RSU1: variants seen among roughly 807,000 people sequenced by gnomAD.
RSU1 encodes the protein Ras suppressor protein 1, also known as rsu-1.
Under a neutral mutation model 31.1 loss-of-function variants are expected in RSU1, and 26 were observed. That is an observed-to-expected ratio of 0.84 (90% confidence interval 0.61 to 1.16). RSU1 has a LOEUF of 1.16. RSU1 is among the 50% of genes most tolerant of loss of function. The pLI is 0.00. For missense variants in RSU1, 320 were observed against 339.1 expected (o/e 0.94, Z 0.44); for synonymous variants, 164 against 136.3 (o/e 1.20, Z -1.41).
At chr10:16,702,043 T>C (rs1218506177) in intron 7 of RSU1, among the ~76,000 whole-genome samples, 1 of 152,248 alleles carries the variant, frequency 6.6e-6, no homozygotes, top group Non-Finnish European at 1.5e-5. Flanking sequence ...TTTTTATTGC[T>C]CAGGTAATGT....
intron 7 of RSU1, among the ~76,000 whole-genome samples, chr10:16,702,113 G>A (rs1466917456): frequency 1.3e-5 from 2 of 152,208 alleles, no homozygotes; most frequent in African/African-American, 4.8e-5. Context: ...ACTATTCACT[G>A]ACTTGGGCAA....
chr10:16,805,757 TA>T (rs1838254250), intron 2 of RSU1, among the ~76,000 whole-genome samples: 1 of 151,954 alleles, frequency 6.6e-6, no homozygotes, highest in Non-Finnish European at 1.5e-5. Context: ...ATACTGGCAT[TA>T]GTAATATTAG....
At chr10:16,604,175 G>A (rs796169217) in intron 8 of RSU1, among the ~76,000 whole-genome samples, 4 of 152,140 alleles carry the variant, frequency 2.6e-5, no homozygotes, top group South Asian at 4.1e-4. Context: ...AAACTTGAAC[G>A]TATGGGGAAA....
intron 8 of RSU1, among the ~76,000 whole-genome samples, chr10:16,657,114 G>A (rs146467276): frequency 1.3e-5 from 2 of 152,328 alleles, no homozygotes; most frequent in African/African-American, 4.8e-5. Flanking sequence ...ATGCTTAGCT[G>A]ATGGAGAACA....
At chr10:16,786,791 A>G (rs1331227668) in intron 2 of RSU1, among the ~76,000 whole-genome samples, 2 of 152,158 alleles carry the variant, frequency 1.3e-5, no homozygotes, top group Non-Finnish European at 2.9e-5. Flanking sequence ...TTACTTATTT[A>G]ATAAATGCCC....
At chr10:16,666,517 C>G (rs1834991960) in intron 8 of RSU1, among the ~76,000 whole-genome samples, 1 of 152,164 alleles carries the variant, frequency 6.6e-6, no homozygotes, top group Non-Finnish European at 1.5e-5. Flanking sequence ...GTGGCTCACA[C>G]CTGTAATCCC....
intron 7 of RSU1, among the ~76,000 whole-genome samples, chr10:16,745,659 C>A (rs1443710132): frequency 6.6e-6 from 1 of 152,126 alleles, no homozygotes; most frequent in East Asian, 1.9e-4. Context: ...AGTCATCTCC[C>A]ACCAGGTCCC....
At chr10:16,779,484 T>A (rs1251494738) in intron 3 of RSU1, among the ~76,000 whole-genome samples, 2 of 152,180 alleles carry the variant, frequency 1.3e-5, no homozygotes, top group Non-Finnish European at 2.9e-5. Flanking sequence ...GAGTCAACAG[T>A]GTCCCCAAAT....
intron 2 of RSU1, among the ~76,000 whole-genome samples, chr10:16,807,452 T>A (rs546970610): frequency 6.6e-6 from 1 of 152,324 alleles, no homozygotes; most frequent in Non-Finnish European, 1.5e-5. Context: ...TACTTTGTAG[T>A]GTTTTAAGCT....
intron 7 of RSU1, among the ~76,000 whole-genome samples, chr10:16,699,528 C>T (rs1236698351): frequency 1.3e-5 from 2 of 152,222 alleles, no homozygotes; most frequent in Non-Finnish European, 2.9e-5. Context: ...CATCTCACCC[C>T]GCTGTCAGTC....
At chr10:16,719,395 G>C (rs1248423969) in intron 7 of RSU1, among the ~76,000 whole-genome samples, 1 of 152,090 alleles carries the variant, frequency 6.6e-6, no homozygotes, top group Admixed American at 6.6e-5. Flanking sequence ...CTTTCCATCA[G>C]ACAATGGTGG....
At chr10:16,679,869 GTTTTTTTTTTTTTTTT>G (rs71374699) in intron 8 of RSU1, among the ~76,000 whole-genome samples, 2 of 124,650 alleles carry the variant, frequency 1.6e-5, no homozygotes, top group Admixed American at 1.6e-4. Flanking sequence ...AAAGACTCAA[GTTTTTTTTTTTTTTTT>G]TTTTTTTTTT....
intron 7 of RSU1, among the ~76,000 whole-genome samples, chr10:16,711,136 C>CCGT (rs1419803081): frequency 1.3e-4 from 20 of 152,084 alleles, no homozygotes; most frequent in African/African-American, 4.8e-4. Flanking sequence ...AATTGAATCT[C>CCGT]AGTAGTTTGT....
At chr10:16,681,955 G>A (rs980227851) in intron 8 of RSU1, among the ~76,000 whole-genome samples, 2 of 151,960 alleles carry the variant, frequency 1.3e-5, no homozygotes, top group African/African-American at 2.4e-5. Flanking sequence ...GAGTCACTGT[G>A]TCTTTACAGC....
In RSU1 at chr10:16,736,689, T is replaced by C. The variant is rs189884132; in HGVS notation, c.598+15850A>G. Among the ~76,000 whole-genome samples, 18 of 151,656 alleles carry C rather than the reference T, an allele frequency of 1.2e-4. No homozygotes were observed. The East Asian group carries it at 2.7e-3, about 23-fold the overall frequency. ...GACATTCAGAGTAAGAGGAAAAAAG[T>C]GGCTTACAAACAAAAGAAAAATCCA... On this transcript the variant is annotated intron_variant, in intron 7 of 8. Coordinates refer to ENST00000345264, the MANE Select transcript of RSU1 (RefSeq NM_012425.4).
intron 8 of RSU1, among the ~76,000 whole-genome samples, chr10:16,694,766 G>A (rs11254151): frequency 0.36 from 55,115 of 151,358 alleles, 10,288 homozygotes; most frequent in East Asian, 0.45. Flanking sequence ...TTGTAGAGAC[G>A]GGGTCTTGCT....
chr10:16,666,387 G>C (rs1295708600), intron 8 of RSU1, among the ~76,000 whole-genome samples: 1 of 152,162 alleles, frequency 6.6e-6, no homozygotes, highest in Non-Finnish European at 1.5e-5. Context: ...TGCAGTAACT[G>C]AACAAGGACA....
At chr10:16,705,540 A>C (rs1242413558) in intron 7 of RSU1, among the ~76,000 whole-genome samples, 1 of 151,942 alleles carries the variant, frequency 6.6e-6, no homozygotes, top group Non-Finnish European at 1.5e-5. Context: ...CACAGGCTGG[A>C]GTGCAGAGGC....
chr10:16,810,517 G>A (rs901578828), intron 2 of RSU1, among the ~76,000 whole-genome samples: 4 of 151,988 alleles, frequency 2.6e-5, no homozygotes, highest in African/African-American at 4.8e-5. Context: ...GTGTGGCAAC[G>A]GCTGTTCCTC....
Sources: gnomAD v4.1 joint callset for allele counts (sites outside exome capture counted in the v4.1 genomes callset) on GRCh38, gnomAD v4.1.1 for gene constraint, MANE v1.5 for transcripts, NCBI Gene and HGNC (gene_info 2026-07-23, HGNC 2026-07-21) for gene names.